The following HECTD4 variants were observed in gnomAD, a reference collection of about 807,000 sequenced individuals.
HECTD4 encodes the protein HECT domain E3 ubiquitin protein ligase 4.
In HECTD4, 114 loss-of-function variants were observed where a neutral mutation model predicts 471.5. The ratio of observed to expected loss-of-function variants is 0.24; its 90% CI spans 0.21 to 0.28. The LOEUF (loss-of-function observed/expected upper bound fraction) is 0.28. Ranked by LOEUF, HECTD4 falls within the 10% of genes least tolerant of loss-of-function variation. The probability of loss-of-function intolerance (pLI) is 1.00; values close to 1 mark genes in which losing one functional copy is unlikely to be tolerated. For synonymous variants in HECTD4, 2,012 were observed against 2,256.0 expected, an observed-to-expected ratio of 0.89 and a Z score of 3.07; for missense variants, 3,866 against 5,651.5, an observed-to-expected ratio of 0.68 and a Z score of 10.13.
At position 112,171,139 on chromosome 12, in the gene HECTD4, G is replaced by A. The variant is rs771074055; in HGVS notation, c.11910C>T (p.Ala3970=). ...GACCTTTGGCCTCCTTCAGCAGGGC[G>A]GCGATGCTGTGGGTATACATGGGTG... ...RQTPMYTHSI[A]ALLKEAKGLI... is the part of the protein sequence containing the mutation. Residue 3970 remains alanine, a synonymous_variant, in exon 68 of 76, where the codon GCC becomes GCT. Coordinates refer to ENST00000682272, the MANE Select transcript of HECTD4 (RefSeq NM_001388303.1). 16 of 1,613,316 alleles carry A rather than the reference G, an allele frequency of 9.9e-6. No individual in the cohort carries two copies. The highest frequency in any genetic ancestry group is 3.3e-5 in the South Asian group (3 of 90,932).
In HECTD4 at chr12:112,167,518, C is replaced by T. The variant is rs748469786; in HGVS notation, c.12333G>A (p.Pro4111=). Residue 4111 remains proline (P), a synonymous_variant, in exon 72 of 76, where the codon CCG becomes CCA. Coordinates refer to ENST00000682272, the MANE Select transcript of HECTD4 (RefSeq NM_001388303.1). The part of the protein sequence containing the change: ...NKNKGKYILT[P]SPITYGEEQL... ...GCTCCTCCCCGTAGGTGATGGGGCT[C>T]GGGGTCAGGATATACTTGCCCTGGA... 40 of 1,601,334 alleles carry T rather than the reference C, an allele frequency of 2.5e-5. No individual in the cohort carries two copies. In the Middle Eastern group the frequency reaches 5.0e-4, roughly 20 times the overall value.
intron 20 of HECTD4, among the ~76,000 whole-genome samples, chr12:112,257,746 G>A (rs921895563): frequency 2.0e-5 from 3 of 152,172 alleles, no homozygotes; most frequent in Non-Finnish European, 2.9e-5. Context: ...ACTGATGGAC[G>A]TTTATGTTGT....
chr12:112,289,447 A>T (rs1036080427), intron 7 of HECTD4, among the ~76,000 whole-genome samples: 1 of 152,182 alleles, frequency 6.6e-6, no homozygotes, highest in Non-Finnish European at 1.5e-5. Context: ...TAGTCGTTTC[A>T]ATCCATTAGT....
At position 112,265,979 on chromosome 12, in the gene HECTD4, C is replaced by G; in HGVS notation, c.2397G>C (p.Glu799Asp). Residue 799 changes from glutamate to aspartate, a missense_variant, in exon 15 of 76, where the codon GAG (glutamate) becomes GAC (aspartate). By Grantham distance (45) the Glu-to-Asp change is conservative (BLOSUM62 2). Transcript: ENST00000682272. ...NLLKLVLTEG[E>D]RNSGLSQLRD... ...GTAGCTGGGAGAGTCCACTGTTTCTCTCTCCTAACACAGAAGAAAGCTCCA... is the reference window on the plus strand; with the variant it reads ...GTAGCTGGGAGAGTCCACTGTTTCTGTCTCCTAACACAGAAGAAAGCTCCA... 3 of 1,611,668 alleles carry G rather than the reference C, an allele frequency of 1.9e-6. No individual in the cohort carries two copies. Among genetic ancestry groups the G allele is most frequent in the Non-Finnish European group, 2.5e-6 (3 of 1,177,896 alleles).
At position 112,273,724 on chromosome 12, in the gene HECTD4, G is replaced by A. The variant is rs758713909; in HGVS notation, c.1873C>T (p.Pro625Ser). 4 of 1,613,766 alleles carry A rather than the reference G, an allele frequency of 2.5e-6. No individual in the cohort carries two copies. The East Asian group carries it at 6.7e-5, about 27-fold the overall frequency. The part of the protein sequence containing the change: ...SNDYIDQWCN[P>S]GNQAFHYVCQ... ...ACATAATGGAAGGCTTGATTCCCAG[G>A]GTTACACCACTGATCGATATAGTCA... The change falls in exon 11 of 76, where the codon CCT (proline) becomes TCT (serine). Residue 625 changes from proline (P) to serine (S), a missense_variant. Pro to Ser is a moderately conservative substitution (Grantham distance 74). This residue lies in a region of HECTD4 where 525 missense variants were observed against 672.6 expected (regional missense o/e 0.78). Transcript: ENST00000682272.
At chr12:112,192,281 C>T (rs1388247879) in intron 59 of HECTD4, among the ~76,000 whole-genome samples, 1 of 152,180 alleles carries the variant, frequency 6.6e-6, no homozygotes, top group African/African-American at 2.4e-5. Context: ...TTGTATCATT[C>T]TAAACAGACA....
intron 1 of HECTD4, among the ~76,000 whole-genome samples, chr12:112,370,944 A>C (rs2036655137): frequency 6.6e-6 from 1 of 152,226 alleles, no homozygotes; most frequent in African/African-American, 2.4e-5. Flanking sequence ...CTTGTAAAGC[A>C]GACTACACTC....
At chr12:112,323,891 T>A (rs190408513) in intron 1 of HECTD4, among the ~76,000 whole-genome samples, 2 of 151,814 alleles carry the variant, frequency 1.3e-5, no homozygotes, top group African/African-American at 4.8e-5. Context: ...TGGGTAAAGA[T>A]ATATTGAAAA....
In HECTD4 at chr12:112,173,648, C is replaced by A. The variant is rs991655028; in HGVS notation, c.11595-787G>T. 1.3e-5 allele frequency among the ~76,000 whole-genome samples: 2 copies of A among 152,110 alleles called. No homozygotes were observed. The highest frequency in any genetic ancestry group is 4.8e-5 in the African/African-American group (2 of 41,422). ...TGACCTTGTGATCCGCCCGCCTCAGCCTCCCAAAGTGCTGCGATTACAGGC... is the reference window on the plus strand; with the variant it reads ...TGACCTTGTGATCCGCCCGCCTCAGACTCCCAAAGTGCTGCGATTACAGGC... On this transcript the variant is annotated intron_variant, in intron 66 of 75. Coordinates refer to ENST00000682272, the MANE Select transcript of HECTD4 (RefSeq NM_001388303.1). This position sits in a 1 kb window ranked among gnomAD's most constrained non-coding sequence, Gnocchi z 4.3.
intron 1 of HECTD4, among the ~76,000 whole-genome samples, chr12:112,361,000 AGGT>A (rs1218576105): frequency 6.9e-4 from 105 of 151,750 alleles, no homozygotes; most frequent in Non-Finnish European, 1.1e-3. Context: ...AAAAAAAAAA[AGGT>A]AAGATCAAAA....
intron 1 of HECTD4, among the ~76,000 whole-genome samples, chr12:112,371,908 GA>G (rs1333578758): frequency 1.2e-3 from 144 of 124,918 alleles, no homozygotes; most frequent in Middle Eastern, 9.0e-3. Flanking sequence ...AAAAAAAAAA[GA>G]AAAAAGAAAA....
chr12:112,317,380 T>C (rs2035500431), intron 2 of HECTD4, among the ~76,000 whole-genome samples: 1 of 152,200 alleles, frequency 6.6e-6, no homozygotes, highest in Non-Finnish European at 1.5e-5. Context: ...GATTCAATCA[T>C]TTGAAGGTCA....
At chr12:112,223,449 T>G (rs951130545) in intron 44 of HECTD4, among the ~76,000 whole-genome samples, 1 of 152,228 alleles carries the variant, frequency 6.6e-6, no homozygotes, top group Non-Finnish European at 1.5e-5. Context: ...AGACAGAGTC[T>G]TGCTCTGTCT....
rs1036464886 is a variant in HECTD4, at chr12:112,173,663, C to T, written c.11595-802G>A. ...CCCGCCTCAGCCTCCCAAAGTGCTGCGATTACAGGCGTGAGCCAATGCGCC... is the reference window on the plus strand; with the variant it reads ...CCCGCCTCAGCCTCCCAAAGTGCTGTGATTACAGGCGTGAGCCAATGCGCC... On this transcript the variant is annotated intron_variant, in intron 66 of 75. Coordinates refer to ENST00000682272, the MANE Select transcript of HECTD4 (RefSeq NM_001388303.1). The surrounding 1 kb of genome is among the most constrained non-coding windows in gnomAD (Gnocchi z 4.3). 4.0e-5 allele frequency among the ~76,000 whole-genome samples: 6 copies of T among 151,762 alleles called. No individual in the cohort carries two copies. The highest frequency in any genetic ancestry group is 6.6e-5 in the Admixed American group (1 of 15,218).
At chr12:112,328,878 G>A (rs1711938205) in intron 1 of HECTD4, among the ~76,000 whole-genome samples, 1 of 152,194 alleles carries the variant, frequency 6.6e-6, no homozygotes, top group Admixed American at 6.5e-5. Flanking sequence ...AATGGACTCT[G>A]ACTTCTTGCT....
chr12:112,163,831 CTTGG>C lies in HECTD4; in HGVS notation c.12702-98_12702-95del. On this transcript the variant is annotated intron_variant, in intron 73 of 75. Transcript: ENST00000682272. The surrounding 1 kb of genome is among the most constrained non-coding windows in gnomAD (Gnocchi z 8.2). ...CTCAGCTGGAGGTCCCGGATCCTCT[CTTGG>C]GAGAGGCCTGGGGCCCAGCCGCCCT... The C allele has an allele frequency of 3.3e-6, 4 of 1,199,574 alleles. No homozygotes were observed. The highest frequency in any genetic ancestry group is 4.4e-6 in the Non-Finnish European group (4 of 900,530). The allele number at this position is 1,199,574 out of a possible 1,614,324, so 74.3% of individuals were successfully genotyped here.
chr12:112,237,820 T>C (rs2033549753), intron 34 of HECTD4, among the ~76,000 whole-genome samples: 1 of 151,836 alleles, frequency 6.6e-6, no homozygotes, highest in Non-Finnish European at 1.5e-5. Context: ...AATGGCATGA[T>C]CTTGGTTCAC....
At chr12:112,377,873 AAAAG>A (rs746157922) in intron 1 of HECTD4, among the ~76,000 whole-genome samples, 8 of 152,282 alleles carry the variant, frequency 5.3e-5, no homozygotes, top group East Asian at 3.9e-4. Context: ...TCGGTCTCAA[AAAAG>A]AAAGAAAGAA....
At chr12:112,268,799 A>T (rs2034341280) in intron 13 of HECTD4, among the ~76,000 whole-genome samples, 1 of 147,942 alleles carries the variant, frequency 6.8e-6, no homozygotes, top group Non-Finnish European at 1.5e-5. Context: ...TAAAAAAACA[A>T]ACCAAAAAAA....
Sources: gnomAD v4.1 joint callset for allele counts (sites outside exome capture counted in the v4.1 genomes callset) on GRCh38, gnomAD v4.1.1 for gene constraint, gnomAD v4.1.1 regional missense constraint, Gnocchi (gnomAD v3.1) non-coding constraint, MANE v1.5 for transcripts, NCBI Gene and HGNC (gene_info 2026-07-23, HGNC 2026-07-21) for gene names.